Variants in CNTNAP2 observed in about 807,000 individuals in gnomAD.
The protein encoded by CNTNAP2 is contactin associated protein 2.
A neutral mutation model predicts 155.2 loss-of-function variants in CNTNAP2; 98 were observed. The observed-to-expected ratio is 0.63, with a 90% CI of 0.54 to 0.75. CNTNAP2 has a LOEUF of 0.75. Among genes scored for constraint, CNTNAP2 ranks in the 30% least tolerant of loss-of-function variants. CNTNAP2 has a pLI of 0.00. For missense variants in CNTNAP2, 1,727 were observed against 1,688.1 expected (o/e 1.02, Z -0.40); for synonymous variants, 651 against 631.2 (o/e 1.03, Z -0.47).
chr7:147,033,837 C>A (rs1799092950), intron 3 of CNTNAP2, among the ~76,000 whole-genome samples: 1 of 149,606 alleles, frequency 6.7e-6, no homozygotes, highest in Non-Finnish European at 1.5e-5. Context: ...TTGATACAGG[C>A]AAACTCCCAA....
At chr7:146,647,084 G>T (rs1479815946) in intron 1 of CNTNAP2, among the ~76,000 whole-genome samples, 5 of 152,214 alleles carry the variant, frequency 3.3e-5, no homozygotes, top group Non-Finnish European at 1.5e-5. Flanking sequence ...AGGCTTGACT[G>T]AGGGCAGAGT....
At chr7:146,416,294 A>G (rs1025149276) in intron 1 of CNTNAP2, among the ~76,000 whole-genome samples, 2 of 150,646 alleles carry the variant, frequency 1.3e-5, no homozygotes, top group Admixed American at 6.7e-5. Flanking sequence ...ATACCTATAT[A>G]TATAATATAA....
intron 1 of CNTNAP2, among the ~76,000 whole-genome samples, chr7:146,194,754 A>T (rs1050054779): frequency 2.0e-5 from 3 of 152,230 alleles, no homozygotes; most frequent in Non-Finnish European, 4.4e-5. Flanking sequence ...GAAGTTCATG[A>T]TATTTTATCC....
intron 1 of CNTNAP2, among the ~76,000 whole-genome samples, chr7:146,308,309 A>AT (rs1356025975): frequency 6.6e-6 from 1 of 152,230 alleles, no homozygotes; most frequent in Non-Finnish European, 1.5e-5. Flanking sequence ...AATGGCAATC[A>AT]TTAAAAAGTC....
At chr7:148,172,965 T>A (rs117801483) in intron 18 of CNTNAP2, among the ~76,000 whole-genome samples, 1 of 152,318 alleles carries the variant, frequency 6.6e-6, no homozygotes, top group East Asian at 1.9e-4. Flanking sequence ...TGGTCAGTCA[T>A]TAACATCATT....
chr7:148,050,156 T>C (rs1296045718), intron 15 of CNTNAP2, among the ~76,000 whole-genome samples: 3 of 152,140 alleles, frequency 2.0e-5, no homozygotes, highest in African/African-American at 4.8e-5. Flanking sequence ...CAAGACTCTA[T>C]CTCAAACAAA....
intron 6 of CNTNAP2, among the ~76,000 whole-genome samples, chr7:147,125,042 G>T (rs915593844): frequency 6.6e-6 from 1 of 151,614 alleles, no homozygotes; most frequent in African/African-American, 2.4e-5. Flanking sequence ...CACTATGCCC[G>T]GCTATTTTTT....
chr7:147,272,546 T>G (rs936430324), intron 8 of CNTNAP2, among the ~76,000 whole-genome samples: 4 of 152,154 alleles, frequency 2.6e-5, no homozygotes, highest in Non-Finnish European at 5.9e-5. Flanking sequence ...TCGCCCAGGC[T>G]GGAGTGCAGT....
intron 12 of CNTNAP2, among the ~76,000 whole-genome samples, chr7:147,589,527 T>C (rs1800699179): frequency 6.6e-6 from 1 of 152,162 alleles, no homozygotes; most frequent in Non-Finnish European, 1.5e-5. Context: ...TGCATTTTCT[T>C]GATGTACTTT....
intron 3 of CNTNAP2, among the ~76,000 whole-genome samples, chr7:146,843,652 C>T (rs1562970386): frequency 6.7e-6 from 1 of 148,746 alleles, no homozygotes; most frequent in Non-Finnish European, 1.5e-5. Flanking sequence ...AGTTAAAGTT[C>T]GTTGACTTCT....
chr7:148,341,430 A>G (rs1207434016), intron 21 of CNTNAP2, among the ~76,000 whole-genome samples: 2 of 152,248 alleles, frequency 1.3e-5, no homozygotes, highest in East Asian at 1.9e-4. Flanking sequence ...AATAGCAACC[A>G]TTACTCAAAA....
chr7:147,715,491 C>T (rs779524732), intron 13 of CNTNAP2, among the ~76,000 whole-genome samples: 6 of 152,170 alleles, frequency 3.9e-5, no homozygotes, highest in Non-Finnish European at 5.9e-5. Flanking sequence ...TTTGTATACA[C>T]GTCTTTTGTC....
chr7:148,356,547 A>G (rs1411879843), intron 21 of CNTNAP2, among the ~76,000 whole-genome samples: 1 of 152,256 alleles, frequency 6.6e-6, no homozygotes, highest in Non-Finnish European at 1.5e-5. Flanking sequence ...TGAAGGCTGA[A>G]GCAAGAGAGC....
intron 3 of CNTNAP2, among the ~76,000 whole-genome samples, chr7:146,987,273 G>T (rs930490888): frequency 2.0e-5 from 3 of 151,998 alleles, no homozygotes; most frequent in Admixed American, 6.6e-5. Context: ...TTTTTGTAAA[G>T]GCCATTTGAG....
intron 10 of CNTNAP2, among the ~76,000 whole-genome samples, chr7:147,421,741 C>CG: frequency 6.6e-6 from 1 of 152,048 alleles, no homozygotes; most frequent in East Asian, 1.9e-4. Context: ...GTTTGGGTCA[C>CG]GGGGGTGGAT....
At chr7:148,160,476 T>C (rs1270883145) in intron 17 of CNTNAP2, among the ~76,000 whole-genome samples, 2 of 152,126 alleles carry the variant, frequency 1.3e-5, no homozygotes, top group Non-Finnish European at 2.9e-5. Context: ...TTGTTGTTGC[T>C]AATATTCCTG....
At chr7:147,428,845 G>A (rs1037984478) in intron 10 of CNTNAP2, among the ~76,000 whole-genome samples, 48 of 152,084 alleles carry the variant, frequency 3.2e-4, no homozygotes, top group African/African-American at 9.4e-4. Flanking sequence ...AAGATATTTA[G>A]GGGTAATTTC....
chr7:147,049,732 G>A (rs1339079013), intron 4 of CNTNAP2, among the ~76,000 whole-genome samples: 1 of 152,136 alleles, frequency 6.6e-6, no homozygotes, highest in African/African-American at 2.4e-5. Context: ...GAGAGGGAAT[G>A]GGGCTTCTTT....
chr7:148,333,386 C>G (rs542279214), intron 21 of CNTNAP2, among the ~76,000 whole-genome samples: 1 of 151,334 alleles, frequency 6.6e-6, no homozygotes, highest in African/African-American at 2.5e-5. Context: ...CGAGATTGCG[C>G]GACTGTGCTC....
Sources: allele counts gnomAD v4.1 joint callset (sites outside exome capture counted in the v4.1 genomes callset), GRCh38; gene constraint gnomAD v4.1.1; transcripts MANE v1.5; gene names NCBI Gene and HGNC (gene_info 2026-07-23, HGNC 2026-07-21).